The following CCNC variants were observed in gnomAD, a reference collection of about 807,000 sequenced individuals.
The protein encoded by CCNC is cyclin C.
Under a neutral mutation model 50.0 loss-of-function variants are expected in CCNC, and 19 were observed. The observed-to-expected ratio is 0.38, with a 90% CI of 0.27 to 0.56. The LOEUF is 0.56. Ranked by LOEUF, CCNC falls within the 20% of genes least tolerant of loss-of-function variation. CCNC has a pLI of 0.72. For synonymous variants in CCNC, 93 were observed against 103.7 expected, an observed-to-expected ratio of 0.90 and a Z score of 0.63; for missense variants, 200 against 327.1, an observed-to-expected ratio of 0.61 and a Z score of 3.00.
At chr6:99,563,310 C>G (rs1019974312) in intron 1 of CCNC, among the ~76,000 whole-genome samples, 3 of 152,128 alleles carry the variant, frequency 2.0e-5, no homozygotes, top group Admixed American at 1.3e-4. Context: ...TTATTTGGCA[C>G]CAATTGATGG....
At chr6:99,551,712 AT>A in intron 6 of CCNC, 127 bp downstream of exon 6, 2 of 512,252 alleles carry the variant, frequency 3.9e-6, no homozygotes, top group Non-Finnish European at 6.2e-6. Flanking sequence ...TTAATTTAGA[AT>A]AATGTCTGTA....
At chr6:99,547,558 G>A (rs898364297) in intron 9 of CCNC, among the ~76,000 whole-genome samples, 3 of 151,992 alleles carry the variant, frequency 2.0e-5, no homozygotes, top group African/African-American at 4.8e-5. Flanking sequence ...GGCTAGCTCC[G>A]GGTTTCTCAA....
At chr6:99,551,151 A>T (rs1020818835) in intron 6 of CCNC, 123 bp from the exon 7 acceptor site, 9 of 404,838 alleles carry the variant, frequency 2.2e-5, no homozygotes, top group Non-Finnish European at 3.6e-5. Context: ...AAAAAGTTTT[A>T]AAAATCCAGA....
chr6:99,545,500 C>A (rs1443825309), intron 10 of CCNC, among the ~76,000 whole-genome samples: 1 of 152,108 alleles, frequency 6.6e-6, no homozygotes, highest in African/African-American at 2.4e-5. Context: ...CTGAAACATA[C>A]TAAGAATAAA....
intron 5 of CCNC, among the ~76,000 whole-genome samples, chr6:99,555,389 T>C (rs1802470822): frequency 6.6e-6 from 1 of 152,134 alleles, no homozygotes; most frequent in South Asian, 2.1e-4. Flanking sequence ...GATGTTTTTT[T>C]CTTTGGTTCA....
At chr6:99,549,322 G>A (rs1240963360) in intron 9 of CCNC, 186 bp downstream of exon 9, 1 of 656,324 alleles carries the variant, frequency 1.5e-6, no homozygotes, top group Non-Finnish European at 2.7e-6. Context: ...CAAAAAGGGG[G>A]TGGGGGAATA....
At chr6:99,545,317 G>C (rs1180622858) in intron 10 of CCNC, 87 bp from the exon 11 acceptor site, 1 of 688,242 alleles carries the variant, frequency 1.5e-6, no homozygotes, top group Non-Finnish European at 2.6e-6. Context: ...ACAACCCTCA[G>C]AAAACAGTAA....
Position 99,558,638 on chromosome 6 carries a change from C to T in CCNC, c.295-90G>A, listed in dbSNP as rs906457651. 1.7e-5 allele frequency: 21 copies of T among 1,219,704 alleles called. No individual in the cohort carries two copies. In the Admixed American group the frequency reaches 4.2e-4, roughly 24 times the overall value. 75.6% of individuals were successfully genotyped at this position (1,219,704 alleles called of 1,614,324 possible). A position where few individuals can be genotyped will look rare whatever the true frequency, so the allele number is the denominator to read the frequency against. On this transcript the variant is annotated intron_variant, in intron 4 of 11. Transcript: ENST00000520429. ...AACAGGATTTCCTTGCTCCTGTTTACAATCTGTTCACCTTCTAACTACTTG... is the reference window on the plus strand; with the variant it reads ...AACAGGATTTCCTTGCTCCTGTTTATAATCTGTTCACCTTCTAACTACTTG...
chr6:99,555,787 C>G (rs1229920869), intron 5 of CCNC, among the ~76,000 whole-genome samples: 2 of 152,124 alleles, frequency 1.3e-5, no homozygotes, highest in Non-Finnish European at 2.9e-5. Flanking sequence ...CTACTGCTGG[C>G]CTCACATTTT....
At chr6:99,566,963 G>C (rs1342032647) in intron 1 of CCNC, 1 of 453,864 alleles carries the variant, frequency 2.2e-6, no homozygotes, top group East Asian at 7.0e-5. Context: ...TTCCACACTC[G>C]TTACCTTTTC....
In CCNC at chr6:99,542,973, T is replaced by C. The variant is rs1016185209; in HGVS notation, c.*582A>G. 6.6e-6 allele frequency: 1 copy of C among 152,632 alleles called. No homozygotes were observed. The highest frequency in any genetic ancestry group is 2.4e-5 in the African/African-American group (1 of 41,460). The allele number at this position is 152,632 out of a possible 1,614,324, so 9.5% of individuals were successfully genotyped here. A position where few individuals can be genotyped will look rare whatever the true frequency, so the allele number is the denominator to read the frequency against. ...ACTTTTCTGCTAGGCTGGGCTAGTATCTTCCATGGCAAGATCCTCAAACTA... is the reference window on the plus strand; with the variant it reads ...ACTTTTCTGCTAGGCTGGGCTAGTACCTTCCATGGCAAGATCCTCAAACTA... On this transcript the variant is annotated 3_prime_UTR_variant, in exon 12 of 12. Transcript: ENST00000520429.
intron 1 of CCNC, 31 bp downstream of exon 1, chr6:99,568,465 G>A: frequency 6.2e-7 from 1 of 1,607,512 alleles, no homozygotes; most frequent in African/African-American, 1.3e-5. Flanking sequence ...CCAAAAACCG[G>A]CCCCAGGTGA....
intron 5 of CCNC, among the ~76,000 whole-genome samples, chr6:99,556,561 G>A (rs1583580671): frequency 1.3e-5 from 2 of 152,074 alleles, no homozygotes; most frequent in Admixed American, 6.5e-5. Flanking sequence ...GCTCACGCCT[G>A]TAATCTCAGC....
Position 99,546,435 on chromosome 6 carries a change from G to A in CCNC, c.638C>T (p.Ala213Val). 6.2e-7 allele frequency: 1 copy of A among 1,613,226 alleles called. No homozygotes were observed. The highest frequency in any genetic ancestry group is 8.5e-7 in the Non-Finnish European group (1 of 1,179,288). The change falls in exon 10 of 12, where the codon GCC becomes GTC. Residue 213 changes from alanine (A) to valine (V), a missense_variant. By Grantham distance (64) the Ala-to-Val change is moderately conservative. Transcript: ENST00000520429. The stretch of plus-strand genomic sequence containing the variant: ...AGAAAGCTCAGCAAACCATTGCCTG[G>A]CATCTTTCTGCTGTACAACACAGGC... ...HVACVVQQKD[A>V]RQWFAELSVD...
chr6:99,556,283 TCTA>T (rs1178627825), intron 5 of CCNC, among the ~76,000 whole-genome samples: 6 of 152,332 alleles, frequency 3.9e-5, no homozygotes, highest in Admixed American at 3.3e-4. Flanking sequence ...GCCCTACCAT[TCTA>T]CTTTCTATCT....
At position 99,543,278 on chromosome 6, in the gene CCNC, T is replaced by G. The variant is rs961856348; in HGVS notation, c.*277A>C. Reference sequence around the variant, plus strand: ...TTTTTATTATCCAAATTAAGAAATATTATACTAATCAAAAGCTATTAATTT... The same window carrying G: ...TTTTTATTATCCAAATTAAGAAATAGTATACTAATCAAAAGCTATTAATTT... On this transcript the variant is annotated 3_prime_UTR_variant, in exon 12 of 12. Coordinates refer to ENST00000520429, the MANE Select transcript of CCNC (RefSeq NM_005190.4). The G allele has an allele frequency of 1.2e-5, 3 of 253,598 alleles. No individual in the cohort carries two copies. The highest frequency in any genetic ancestry group is 6.7e-5 in the African/African-American group (3 of 44,930). 15.7% of individuals were successfully genotyped at this position (253,598 alleles called of 1,614,324 possible). A position where few individuals can be genotyped will look rare whatever the true frequency, so the allele number is the denominator to read the frequency against.
rs1481529069 is a variant in CCNC, at chr6:99,555,375, C to CTAA, written c.346+3121_346+3122insTTA. Among the ~76,000 whole-genome samples, 4 of 152,292 alleles carry CTAA rather than the reference C, an allele frequency of 2.6e-5. No homozygotes were observed. In the East Asian group the frequency reaches 7.7e-4, roughly 29 times the overall value. Reference sequence around the variant, plus strand: ...TTGTTAATGACACTATGTTCTCTCTCAAAGATGTTTTTTTCTTTGGTTCAC... The same window carrying CTAA: ...TTGTTAATGACACTATGTTCTCTCTCTAAAAAGATGTTTTTTTCTTTGGTTCAC... On this transcript the variant is annotated intron_variant, in intron 5 of 11. Transcript: ENST00000520429.
intron 4 of CCNC, among the ~76,000 whole-genome samples, chr6:99,561,011 A>G (rs890265283): frequency 6.6e-6 from 1 of 152,244 alleles, no homozygotes; most frequent in African/African-American, 2.4e-5. Context: ...AGTTAAGAAC[A>G]CAGGATTGGT....
intron 1 of CCNC, chr6:99,568,052 C>A: frequency 5.9e-6 from 1 of 169,530 alleles, no homozygotes; most frequent in Non-Finnish European, 1.3e-5. Context: ...TAAATCCACT[C>A]AAGATATACA....
Sources: allele counts gnomAD v4.1 joint callset (sites outside exome capture counted in the v4.1 genomes callset), GRCh38; gene constraint gnomAD v4.1.1; transcripts MANE v1.5; gene names NCBI Gene and HGNC (gene_info 2026-07-23, HGNC 2026-07-21).